The following LEMD2 variants were observed in gnomAD, a reference collection of about 807,000 sequenced individuals.
LEMD2 encodes the protein LEM domain-containing protein 2.
Under a neutral mutation model 58.8 loss-of-function variants are expected in LEMD2, and 34 were observed. The observed-to-expected ratio is 0.58, with a 90% CI of 0.44 to 0.77. The LOEUF is 0.77. Among genes scored for constraint, LEMD2 ranks in the 30% least tolerant of loss-of-function variants. The probability of loss-of-function intolerance (pLI) is 0.00; values close to 1 mark genes in which losing one functional copy is unlikely to be tolerated. For synonymous variants in LEMD2, 298 were observed against 308.9 expected, an observed-to-expected ratio of 0.96 and a Z score of 0.37; for missense variants, 629 against 717.9, an observed-to-expected ratio of 0.88 and a Z score of 1.42.
rs1250174971 is a variant in LEMD2 at position 33,788,560 on chromosome 6, C to G, written c.557G>C (p.Arg186Pro). 1 of 1,412,084 alleles carries G rather than the reference C, an allele frequency of 7.1e-7. No individual in the cohort carries two copies. The highest frequency in any genetic ancestry group is 3.2e-5 in the Admixed American group (1 of 30,886). The allele number at this position is 1,412,084 out of a possible 1,614,324, so 87.5% of individuals were successfully genotyped here. A position where few individuals can be genotyped will look rare whatever the true frequency, so the allele number is the denominator to read the frequency against. Residue 186 changes from arginine (R) to proline (P), a missense_variant, in exon 1 of 9, where the codon CGG becomes CCG. Coordinates refer to ENST00000293760, the MANE Select transcript of LEMD2 (RefSeq NM_181336.4). ...GCCAGCAGGGCCCGCTCGAGTCGCCCGCAGGCCCGGGCGCGGGTCGGGACC... is the reference window on the plus strand; with the variant it reads ...GCCAGCAGGGCCCGCTCGAGTCGCCGGCAGGCCCGGGCGCGGGTCGGGACC... ...LLGPDPRPGL[R>P]ATRAGPAGAA...
chr6:33,777,383 G>T, intron 6 of LEMD2, 144 bp from the exon 7 acceptor site: 1 of 694,608 alleles, frequency 1.4e-6, no homozygotes, highest in Non-Finnish European at 2.6e-6. Context: ...GGGCCAGCAT[G>T]CGAGAAACAA....
rs570410681 is a variant in LEMD2 at position 33,788,945 on chromosome 6, C to T, written c.172G>A (p.Gly58Ser). ...ERLREEARPR[G>S]EERLREEARL... ...GCCTCTTCCCGTAACCGCTCCTCGC[C>T]CCGCGGCCGGGCCTCCTCCCGCAGC... The change falls in exon 1 of 9, where the codon GGC becomes AGC. Residue 58 changes from glycine (G) to serine (S), a missense_variant. Gly to Ser is a moderately conservative substitution (Grantham distance 56). This residue lies in a region of LEMD2 where 386 missense variants were observed against 381.1 expected (regional missense o/e 1.01). Transcript: ENST00000293760. 16 of 1,510,880 alleles carry T rather than the reference C, an allele frequency of 1.1e-5. No homozygotes were observed. Among genetic ancestry groups the T allele is most frequent in the South Asian group, 6.1e-5 (5 of 81,546 alleles). 93.6% of individuals were successfully genotyped at this position (1,510,880 alleles called of 1,614,324 possible). A position where few individuals can be genotyped will look rare whatever the true frequency, so the allele number is the denominator to read the frequency against.
chr6:33,788,385 G>C lies in LEMD2; in HGVS notation c.732C>G (p.Asp244Glu). Reference protein sequence around the residue: ...GKPSAPQEAEDNMKLLPVDCE... With the variant: ...GKPSAPQEAEENMKLLPVDCE... ...CTGCGCCGGCCCAGGACGTACTGTT[G>C]TCCTCCGCCTCCTGCGGCGCTGAGG... The change falls in exon 1 of 9, where the codon GAC becomes GAG. Residue 244 changes from aspartate to glutamate, a missense_variant. Asp to Glu is a conservative substitution (Grantham distance 45). Transcript: ENST00000293760. The C allele has an allele frequency of 6.4e-7, 1 of 1,574,720 alleles. No individual in the cohort carries two copies. The highest frequency in any genetic ancestry group is 8.6e-7 in the Non-Finnish European group (1 of 1,162,052).
chr6:33,786,961 G>A (rs759155915), intron 1 of LEMD2, 187 bp from the exon 2 acceptor site: 216 of 1,346,368 alleles, frequency 1.6e-4, no homozygotes, highest in Non-Finnish European at 2.1e-4. Context: ...TCCAAATCCT[G>A]GATTAGGAAT....
intron 2 of LEMD2, 49 bp downstream of exon 2, chr6:33,786,685 G>T (rs370358265): frequency 3.3e-5 from 48 of 1,440,570 alleles, no homozygotes; most frequent in Middle Eastern, 3.5e-4. Context: ...CCTGATGGAG[G>T]CTAATATCCT....
At chr6:33,779,357 T>G (rs1049308206) in intron 5 of LEMD2, 7 of 151,732 alleles carry the variant, frequency 4.6e-5, no homozygotes, top group African/African-American at 1.7e-4. Context: ...CTGGATGCAG[T>G]GCTGATGGAA....
In LEMD2 at chr6:33,788,830, G is replaced by A. The variant is rs1705124064; in HGVS notation, c.287C>T (p.Ser96Leu). Residue 96 changes from serine to leucine, a missense_variant, in exon 1 of 9, where the codon TCG (serine) becomes TTG (leucine). Transcript: ENST00000293760. ...GTAGGCCCCAGGGGTCGCGTAGGCC[G>A]AGCCCGAGGCCGGCTGGGAGAGCCA... is the stretch of plus-strand genomic sequence containing the variant. The part of the protein sequence containing the change: ...EPWLSQPASG[S>L]AYATPGAYGD... The A allele has an allele frequency of 9.1e-6, 13 of 1,424,900 alleles. 1 individual carries two copies. The highest frequency in any genetic ancestry group is 5.7e-5 in the Admixed American group (2 of 35,022). 88.3% of individuals were successfully genotyped at this position (1,424,900 alleles called of 1,614,324 possible).
At chr6:33,774,072 C>CT (rs1349860678) in intron 8 of LEMD2, among the ~76,000 whole-genome samples, 1 of 152,080 alleles carries the variant, frequency 6.6e-6, no homozygotes, top group Non-Finnish European at 1.5e-5. Context: ...GCAGTGCCGT[C>CT]TCATGCTCTT....
At chr6:33,784,448 T>C in intron 2 of LEMD2, 21 bp from the exon 3 acceptor site, 1 of 744,032 alleles carries the variant, frequency 1.3e-6, no homozygotes, top group Non-Finnish European at 2.0e-6. Flanking sequence ...ACGGGACAAG[T>C]GGTCAGCAAG....
intron 7 of LEMD2, 37 bp from the exon 8 acceptor site, chr6:33,777,093 T>A: frequency 1.2e-5 from 20 of 1,611,284 alleles, no homozygotes; most frequent in Non-Finnish European, 1.6e-5. Flanking sequence ...GCAAGGACCC[T>A]CTGGCTGGCG....
chr6:33,776,659 G>C lies in LEMD2; in HGVS notation c.1361+295C>G. 4 of 431,500 alleles carry C rather than the reference G, an allele frequency of 9.3e-6. No individual in the cohort carries two copies. In the South Asian group the frequency reaches 9.5e-5, roughly 10 times the overall value. 26.7% of individuals were successfully genotyped at this position (431,500 alleles called of 1,614,324 possible). On this transcript the variant is annotated intron_variant, in intron 8 of 8. Coordinates refer to ENST00000293760, the MANE Select transcript of LEMD2 (RefSeq NM_181336.4). ...AGATCCTTCACTACTTGTGCCCTGG[G>C]GGAGGGAGCTGCTATTACTTGGAGC...
At position 33,788,998 on chromosome 6, in the gene LEMD2, C is replaced by T; in HGVS notation, c.119G>A (p.Gly40Asp). The T allele has an allele frequency of 6.5e-7, 1 of 1,550,262 alleles. No homozygotes were observed. Among genetic ancestry groups the T allele is most frequent in the Non-Finnish European group, 8.7e-7 (1 of 1,155,602 alleles). ...VYRNKLRRLR[G>D]EARLRDEERL... ...CTCCTCGTCGCGCAGCCGGGCCTCGCCCCGCAGGCGGCGCAGCTTGTTGCG... is the reference window on the plus strand; with the variant it reads ...CTCCTCGTCGCGCAGCCGGGCCTCGTCCCGCAGGCGGCGCAGCTTGTTGCG... Residue 40 changes from glycine to aspartate, a missense_variant, in exon 1 of 9, where the codon GGC becomes GAC. Physicochemically the swap from Gly to Asp is moderately conservative, Grantham distance 94 (BLOSUM62 -1). Coordinates refer to ENST00000293760, the MANE Select transcript of LEMD2 (RefSeq NM_181336.4).
In LEMD2 at chr6:33,789,126, G is replaced by A. The variant is rs770338671; in HGVS notation, c.-10C>T. On this transcript the variant is annotated 5_prime_UTR_variant, in exon 1 of 9. Coordinates refer to ENST00000293760, the MANE Select transcript of LEMD2 (RefSeq NM_181336.4). ...CCGACAGGCCGGCCATGGCCAGGAC[G>A]CCGCCCCCCGCCCGCCCCTGGCGCG... The A allele has an allele frequency of 8.7e-6, 13 of 1,493,112 alleles. No homozygotes were observed. Among genetic ancestry groups the A allele is most frequent in the East Asian group, 8.3e-5 (3 of 35,964 alleles). The allele number at this position is 1,493,112 out of a possible 1,614,324, so 92.5% of individuals were successfully genotyped here.
rs951196739 is a variant in LEMD2 at position 33,788,732 on chromosome 6, G to A, written c.385C>T (p.Leu129Phe). The A allele has an allele frequency of 7.0e-7, 1 of 1,430,176 alleles. No homozygotes were observed. 88.6% of individuals were successfully genotyped at this position (1,430,176 alleles called of 1,614,324 possible). ...CCCCGGACCGAGGCGCGGCGCCTGA[G>A]TTGCGCCGGGCGGGCAGGATAGGCG... ...GLAYPARPAQ[L>F]RRRASVRGSS... The change falls in exon 1 of 9, where the codon CTC becomes TTC. Residue 129 changes from leucine (L) to phenylalanine (F), a missense_variant. Physicochemically the swap from Leu to Phe is conservative, Grantham distance 22 (BLOSUM62 0). Transcript: ENST00000293760.
At position 33,788,633 on chromosome 6, in the gene LEMD2, A is replaced by T; in HGVS notation, c.484T>A (p.Trp162Arg). 3 of 1,273,598 alleles carry T rather than the reference A, an allele frequency of 2.4e-6. No homozygotes were observed. Among genetic ancestry groups the T allele is most frequent in the Non-Finnish European group, 3.0e-6 (3 of 1,014,168 alleles). 78.9% of individuals were successfully genotyped at this position (1,273,598 alleles called of 1,614,324 possible). The part of the protein sequence containing the change: ...TQGPGLAARR[W>R]WAASPAPARL... ...GCCGGGGCGGGAGACGCTGCCCACC[A>T]GCGGCGGGCCGCGAGACCCGGGCCC... The change falls in exon 1 of 9, where the codon TGG becomes AGG. Residue 162 changes from tryptophan to arginine, a missense_variant. Coordinates refer to ENST00000293760, the MANE Select transcript of LEMD2 (RefSeq NM_181336.4).
Position 33,784,439 on chromosome 6 carries a change from CG to C in LEMD2, c.778-13del. The C allele has an allele frequency of 9.6e-7, 1 of 1,039,714 alleles. No homozygotes were observed. The highest frequency in any genetic ancestry group is 1.3e-6 in the Non-Finnish European group (1 of 764,194). 64.4% of individuals were successfully genotyped at this position (1,039,714 alleles called of 1,614,324 possible). ...TTGGCCTGACAGAACTGGAAAGGCA[CG>C]GGACAAGTGGTCAGCAAGGAGGGGT... On this transcript the variant is annotated splice_polypyrimidine_tract_variant and intron_variant, in intron 2 of 8. Transcript: ENST00000293760.
intron 8 of LEMD2, among the ~76,000 whole-genome samples, chr6:33,775,902 C>G (rs548416765): frequency 6.6e-6 from 1 of 152,320 alleles, no homozygotes; most frequent in African/African-American, 2.4e-5. Flanking sequence ...GAGCTCTCAG[C>G]ATCACCCAGC....
At chr6:33,784,477 G>GGGGGGGGGGCCCCCC in intron 2 of LEMD2, 50 bp from the exon 3 acceptor site, 6 of 430,784 alleles carry the variant, frequency 1.4e-5, no homozygotes, top group Non-Finnish European at 1.9e-5. Flanking sequence ...GGTGGGAGGG[G>GGGGGGGGGGCCCCCC]TCCGTCTGTC....
chr6:33,776,227 C>A (rs539620725), intron 8 of LEMD2, among the ~76,000 whole-genome samples: 6 of 152,372 alleles, frequency 3.9e-5, no homozygotes, highest in South Asian at 2.1e-4. Context: ...TGTGTGGGAA[C>A]TGGACCATGA....
Sources: allele counts gnomAD v4.1 joint callset (sites outside exome capture counted in the v4.1 genomes callset), GRCh38; gene constraint gnomAD v4.1.1; regional missense constraint gnomAD v4.1.1; transcripts MANE v1.5; gene names NCBI Gene and HGNC (gene_info 2026-07-23, HGNC 2026-07-21).